Variants in CMYA5 observed in about 807,000 individuals in gnomAD.
The protein encoded by CMYA5 is cardiomyopathy-associated protein 5.
A neutral mutation model predicts 318.9 loss-of-function variants in CMYA5; 246 were observed. The ratio of observed to expected loss-of-function variants is 0.77; its 90% confidence interval spans 0.70 to 0.86. The LOEUF (loss-of-function observed/expected upper bound fraction) is 0.86, where lower values mean the gene tolerates loss of function less well. Among genes scored for constraint, CMYA5 ranks in the 40% least tolerant of loss-of-function variants. The probability of loss-of-function intolerance (pLI) is 0.00; values close to 1 mark genes in which losing one functional copy is unlikely to be tolerated. For synonymous variants in CMYA5, 1,641 were observed against 1,729.5 expected (o/e 0.95, Z 1.27); for missense variants, 4,589 against 4,678.2 (o/e 0.98, Z 0.56).
chr5:79,751,981 G>A (rs1828439638), intron 5 of CMYA5, among the ~76,000 whole-genome samples: 1 of 152,188 alleles, frequency 6.6e-6, no homozygotes, highest in Admixed American at 6.5e-5. Context: ...TGGAAATGAA[G>A]CCTTTTTGTC....
In CMYA5 at chr5:79,752,667, C is replaced by T; in HGVS notation, c.10992-9C>T. Reference sequence around the variant, plus strand: ...TTTTTAACTTATGTAGAGCTCTATTCCCCGATAGGTTGCTTTCTGCAATGG... The same window carrying T: ...TTTTTAACTTATGTAGAGCTCTATTTCCCGATAGGTTGCTTTCTGCAATGG... On this transcript the variant is annotated splice_polypyrimidine_tract_variant and intron_variant, in intron 5 of 12. Coordinates refer to ENST00000446378, the MANE Select transcript of CMYA5 (RefSeq NM_153610.5). The T allele has an allele frequency of 6.3e-7, 1 of 1,590,192 alleles. No homozygotes were observed. Among genetic ancestry groups the T allele is most frequent in the Non-Finnish European group, 8.6e-7 (1 of 1,160,412 alleles).
chr5:79,759,472 TC>T (rs1321323963), intron 7 of CMYA5, among the ~76,000 whole-genome samples: 1 of 152,326 alleles, frequency 6.6e-6, no homozygotes, highest in East Asian at 1.9e-4. Context: ...GGTGTAGTCT[TC>T]CTGTGTCCCA....
intron 1 of CMYA5, among the ~76,000 whole-genome samples, chr5:79,708,848 C>T (rs1396339433): frequency 3.3e-5 from 5 of 152,014 alleles, no homozygotes; most frequent in Admixed American, 3.3e-4. Context: ...GCACAAGAAT[C>T]GGTTGAACCT....
intron 2 of CMYA5, among the ~76,000 whole-genome samples, chr5:79,740,545 T>A (rs1175833050): frequency 6.6e-6 from 1 of 152,266 alleles, no homozygotes; most frequent in African/African-American, 2.4e-5. Flanking sequence ...ACTTTCTTTG[T>A]ATTTCCTTTT....
At chr5:79,792,270 T>C (rs1322292772) in intron 11 of CMYA5, among the ~76,000 whole-genome samples, 1 of 152,200 alleles carries the variant, frequency 6.6e-6, no homozygotes, top group Non-Finnish European at 1.5e-5. Context: ...CCCTCAAATC[T>C]AGCATGGGGC....
intron 1 of CMYA5, among the ~76,000 whole-genome samples, chr5:79,712,236 T>C (rs563794313): frequency 6.6e-6 from 1 of 152,276 alleles, no homozygotes; most frequent in Non-Finnish European, 1.5e-5. Flanking sequence ...TATTTTTGAG[T>C]TGGAGTCTTG....
At chr5:79,772,283 A>G (rs1052007040) in intron 9 of CMYA5, among the ~76,000 whole-genome samples, 1 of 152,226 alleles carries the variant, frequency 6.6e-6, no homozygotes, top group Non-Finnish European at 1.5e-5. Flanking sequence ...GCAAAAATTT[A>G]TAATAGAACA....
In CMYA5 at chr5:79,735,665, A is replaced by G; in HGVS notation, c.6900A>G (p.Glu2300=). ...GKKEISGDSE[E]MNINSVVTSA... ...AAGAAATCTCAGGCGATTCAGAGGAAATGAACATAAACTCAGTAGTTACTT... is the reference window on the plus strand; with the variant it reads ...AAGAAATCTCAGGCGATTCAGAGGAGATGAACATAAACTCAGTAGTTACTT... The change falls in exon 2 of 13, where the codon GAA becomes GAG. Residue 2300 remains glutamate, a synonymous_variant. Coordinates refer to ENST00000446378, the MANE Select transcript of CMYA5 (RefSeq NM_153610.5). 6.2e-7 allele frequency: 1 copy of G among 1,613,036 alleles called. No individual in the cohort carries two copies. Among genetic ancestry groups the G allele is most frequent in the Non-Finnish European group, 8.5e-7 (1 of 1,179,628 alleles).
chr5:79,732,942 A>G lies in CMYA5; in HGVS notation c.4177A>G (p.Lys1393Glu). The G allele has an allele frequency of 6.2e-7, 1 of 1,613,732 alleles. No individual in the cohort carries two copies. Among genetic ancestry groups the G allele is most frequent in the Non-Finnish European group, 8.5e-7 (1 of 1,179,776 alleles). Reference sequence around the variant, plus strand: ...TCGTCCAGTCTTAACAAAAGTAGGAAAGGGTGAATTAGGAAGTGGTTTGCC... The same window carrying G: ...TCGTCCAGTCTTAACAAAAGTAGGAGAGGGTGAATTAGGAAGTGGTTTGCC... The part of the protein sequence containing the change: ...VDRPVLTKVG[K>E]GELGSGLPPL... The change falls in exon 2 of 13, where the codon AAG becomes GAG. Residue 1393 changes from lysine (K) to glutamate (E), a missense_variant. Coordinates refer to ENST00000446378, the MANE Select transcript of CMYA5 (RefSeq NM_153610.5).
Position 79,731,113 on chromosome 5 carries a change from G to A in CMYA5, c.2348G>A (p.Gly783Glu), listed in dbSNP as rs764511386. 2.5e-6 allele frequency: 4 copies of A among 1,613,998 alleles called. No individual in the cohort carries two copies. The highest frequency in any genetic ancestry group is 1.1e-5 in the South Asian group (1 of 91,080). ...TCAGAACACGTGGTCCCATCAGAAGGAGAGGACCTAGGAAGTGAACGTTTC... is the reference window on the plus strand; with the variant it reads ...TCAGAACACGTGGTCCCATCAGAAGAAGAGGACCTAGGAAGTGAACGTTTC... ...ATSEHVVPSE[G>E]EDLGSERFTP... Residue 783 changes from glycine (G) to glutamate (E), a missense_variant, in exon 2 of 13, where the codon GGA becomes GAA. Coordinates refer to ENST00000446378, the MANE Select transcript of CMYA5 (RefSeq NM_153610.5).
At position 79,738,117 on chromosome 5, in the gene CMYA5, C is replaced by T. The variant is rs1466292323; in HGVS notation, c.9352C>T (p.Pro3118Ser). Residue 3118 changes from proline to serine, a missense_variant, in exon 2 of 13, where the codon CCA becomes TCA. Coordinates refer to ENST00000446378, the MANE Select transcript of CMYA5 (RefSeq NM_153610.5). ...LVKLDESFYG[P>S]EKGHNILSHP... Reference sequence around the variant, plus strand: ...GAAATTAGATGAAAGTTTTTATGGACCAGAAAAGGGCCACAACATATTATC... The same window carrying T: ...GAAATTAGATGAAAGTTTTTATGGATCAGAAAAGGGCCACAACATATTATC... 4.3e-6 allele frequency: 7 copies of T among 1,613,372 alleles called. No individual in the cohort carries two copies. The African/African-American group carries it at 8.0e-5, about 18-fold the overall frequency.
At position 79,736,809 on chromosome 5, in the gene CMYA5, T is replaced by C. The variant is rs758908167; in HGVS notation, c.8044T>C (p.Ser2682Pro). Residue 2682 changes from serine to proline, a missense_variant, in exon 2 of 13, where the codon TCG (serine) becomes CCG (proline). Transcript: ENST00000446378. ...AGAACAGTTCAGAGAGTCAGAGCTA[T>C]CGAAAGGCGGTTCAGTAGATATCAC... ...EKEQFRESEL[S>P]KGGSVDITKE... 146 of 1,610,694 alleles carry C rather than the reference T, an allele frequency of 9.1e-5. No individual in the cohort carries two copies. Among genetic ancestry groups the C allele is most frequent in the Non-Finnish European group, 1.2e-4 (140 of 1,179,526 alleles).
intron 1 of CMYA5, among the ~76,000 whole-genome samples, chr5:79,717,454 G>A (rs1470554212): frequency 6.6e-6 from 1 of 152,188 alleles, no homozygotes; most frequent in Non-Finnish European, 1.5e-5. Context: ...TTCAGAGGCA[G>A]AAATTTACTT....
intron 12 of CMYA5, among the ~76,000 whole-genome samples, chr5:79,794,608 C>A (rs1051097758): frequency 2.0e-5 from 3 of 152,152 alleles, no homozygotes; most frequent in African/African-American, 4.8e-5. Flanking sequence ...TGGCTTGCTA[C>A]CTTGTGGGGC....
chr5:79,758,669 T>C (rs1828581769), intron 6 of CMYA5, 84 bp from the exon 7 acceptor site: 1 of 1,165,284 alleles, frequency 8.6e-7, no homozygotes, highest in Non-Finnish European at 1.2e-6. Context: ...ATTCTTTGAA[T>C]ATTTTTCAAC....
rs1468190865 is a variant in CMYA5, at chr5:79,758,771, TAGAA to T, written c.11130_11133del (p.Leu3710PhefsTer19). ...ATTCCAGTTCCACAGCCTCCTAGAT[TAGAA>T]CCTCAGGAACCAAATTCTGCCACCA... is the stretch of plus-strand genomic sequence containing the variant. On this transcript the variant is annotated frameshift_variant, in exon 7 of 13. Coordinates refer to ENST00000446378, the MANE Select transcript of CMYA5 (RefSeq NM_153610.5). LOFTEE classifies it high-confidence loss of function. 2 of 1,606,348 alleles carry T rather than the reference TAGAA, an allele frequency of 1.2e-6. No individual in the cohort carries two copies. Among genetic ancestry groups the T allele is most frequent in the Admixed American group, 3.4e-5 (2 of 58,728 alleles).
Position 79,689,883 on chromosome 5 carries a change from C to G in CMYA5, c.-25C>G. 2 of 715,704 alleles carry G rather than the reference C, an allele frequency of 2.8e-6. No homozygotes were observed. Among genetic ancestry groups the G allele is most frequent in the Non-Finnish European group, 4.9e-6 (2 of 405,070 alleles). The allele number at this position is 715,704 out of a possible 1,614,324, so 44.3% of individuals were successfully genotyped here. Reference sequence around the variant, plus strand: ...GCGGCGCGGGCGGCTCCGGCTCCGGCCCCGGCCCAGGCCCGGGAGAGGCGA... The same window carrying G: ...GCGGCGCGGGCGGCTCCGGCTCCGGGCCCGGCCCAGGCCCGGGAGAGGCGA... On this transcript the variant is annotated 5_prime_UTR_variant, in exon 1 of 13. Coordinates refer to ENST00000446378, the MANE Select transcript of CMYA5 (RefSeq NM_153610.5).
intron 9 of CMYA5, among the ~76,000 whole-genome samples, chr5:79,766,813 G>A (rs1183872097): frequency 6.6e-6 from 1 of 152,194 alleles, no homozygotes; most frequent in Non-Finnish European, 1.5e-5. Context: ...GATGATGCTA[G>A]CCTCATAAAA....
chr5:79,786,494 A>ATT, intron 9 of CMYA5, among the ~76,000 whole-genome samples: 1 of 152,328 alleles, frequency 6.6e-6, no homozygotes, highest in South Asian at 2.1e-4. Context: ...TCGTGGCCTC[A>ATT]TTTGCTGTCT....
Sources: allele counts gnomAD v4.1 joint callset (sites outside exome capture counted in the v4.1 genomes callset), GRCh38; gene constraint gnomAD v4.1.1; transcripts MANE v1.5; gene names NCBI Gene and HGNC (gene_info 2026-07-23, HGNC 2026-07-21).